ABCA13: variants seen among roughly 807,000 people sequenced by gnomAD.
The protein encoded by ABCA13 is ATP-binding cassette sub-family A member 13.
ABCA13 carries 476 observed loss-of-function variants against 478.7 expected under a neutral mutation model. The observed-to-expected ratio is 0.99, with a 90% CI of 0.92 to 1.07. ABCA13 has a LOEUF of 1.07. Among genes scored for constraint, ABCA13 ranks in the 50% least tolerant of loss-of-function variants. ABCA13 has a pLI of 0.00. For synonymous variants in ABCA13, 2,252 were observed against 2,158.9 expected, an observed-to-expected ratio of 1.04 and a Z score of -1.20; for missense variants, 6,060 against 5,910.6, an observed-to-expected ratio of 1.03 and a Z score of -0.83.
rs150520298 is a variant in ABCA13, at chr7:48,180,024, C to T, written c.69+8472C>T. Among the ~76,000 whole-genome samples, 1,464 of 152,242 alleles carry T rather than the reference C, an allele frequency of 9.6e-3. 13 individuals carry two copies. Among genetic ancestry groups the T allele is most frequent in the Non-Finnish European group, 0.014 (941 of 68,022 alleles). ...GAAGCAGCAGAGCTAGGCTGAGACT[C>T]GATTTTATCTGATGCCTGAGCCTAT... On this transcript the variant is annotated intron_variant, in intron 1 of 61. Coordinates refer to ENST00000435803, the MANE Select transcript of ABCA13 (RefSeq NM_152701.5).
rs1207846719 is a variant in ABCA13 at position 48,248,398 on chromosome 7, A to G, written c.1819A>G (p.Asn607Asp). 5.0e-6 allele frequency: 8 copies of G among 1,613,026 alleles called. No individual in the cohort carries two copies. Among genetic ancestry groups the G allele is most frequent in the Non-Finnish European group, 5.9e-6 (7 of 1,179,484 alleles). ...GCTGGGAGCTGATCCCTCTCCTGAG[A>G]ATGATGTCTTTTCTAGTGACTGTAA... The part of the protein sequence containing the change: ...LLLGADPSPE[N>D]DVFSSDCKHQ... Residue 607 changes from asparagine to aspartate, a missense_variant, in exon 14 of 62, where the codon AAT (asparagine) becomes GAT (aspartate). Asn to Asp is a conservative substitution (Grantham distance 23). Coordinates refer to ENST00000435803, the MANE Select transcript of ABCA13 (RefSeq NM_152701.5).
At chr7:48,578,747 A>G (rs1788423164) in intron 55 of ABCA13, among the ~76,000 whole-genome samples, 1 of 152,248 alleles carries the variant, frequency 6.6e-6, no homozygotes, top group Non-Finnish European at 1.5e-5. Context: ...TAGGCAACAC[A>G]GTATGGAAGA....
chr7:48,554,031 A>C (rs1233763621), intron 55 of ABCA13, among the ~76,000 whole-genome samples: 1 of 152,032 alleles, frequency 6.6e-6, no homozygotes, highest in African/African-American at 2.4e-5. Context: ...GTCTAGTTTC[A>C]TTCCTCTGCA....
chr7:48,420,023 T>A (rs1019255631), intron 41 of ABCA13, among the ~76,000 whole-genome samples: 7 of 152,204 alleles, frequency 4.6e-5, no homozygotes, highest in Non-Finnish European at 8.8e-5. Flanking sequence ...ATTTTGTCTC[T>A]TGACACTTGG....
intron 58 of ABCA13, among the ~76,000 whole-genome samples, chr7:48,602,633 A>G (rs1791027735): frequency 6.6e-6 from 1 of 152,018 alleles, no homozygotes; most frequent in Non-Finnish European, 1.5e-5. Context: ...ATAGCTTTGT[A>G]GTATAGTTTG....
chr7:48,350,828 T>A lies in ABCA13; in HGVS notation c.10381+9T>A. On this transcript the variant is annotated intron_variant, in intron 30 of 61. Coordinates refer to ENST00000435803, the MANE Select transcript of ABCA13 (RefSeq NM_152701.5). ...GAACAGCTTCTTGGCCAGTAAGTAC[T>A]CAATGAAAAAATATGTTCGCCAAGA... 1.2e-6 allele frequency: 2 copies of A among 1,608,868 alleles called. No individual in the cohort carries two copies. The highest frequency in any genetic ancestry group is 1.7e-6 in the Non-Finnish European group (2 of 1,176,970).
intron 1 of ABCA13, among the ~76,000 whole-genome samples, chr7:48,188,643 T>C (rs755507681): frequency 2.0e-5 from 3 of 152,118 alleles, no homozygotes; most frequent in Non-Finnish European, 2.9e-5. Context: ...TATTTTCTTT[T>C]CTCTCCCCCC....
chr7:48,297,201 C>G, intron 21 of ABCA13, 31 bp from the exon 22 acceptor site: 7 of 1,552,470 alleles, frequency 4.5e-6, no homozygotes, highest in Non-Finnish European at 6.1e-6. Flanking sequence ...TTTAGCTTGC[C>G]TAATTTAGCT....
intron 3 of ABCA13, among the ~76,000 whole-genome samples, chr7:48,219,081 T>A (rs1786935424): frequency 6.6e-6 from 1 of 152,214 alleles, no homozygotes; most frequent in Non-Finnish European, 1.5e-5. Flanking sequence ...GTTAAATAAA[T>A]TTAAAAAATG....
intron 54 of ABCA13, among the ~76,000 whole-genome samples, chr7:48,525,189 G>T (rs559201123): frequency 6.6e-6 from 1 of 152,190 alleles, no homozygotes; most frequent in African/African-American, 2.4e-5. Context: ...AGTAATGCAG[G>T]CATATTCTTA....
intron 59 of ABCA13, among the ~76,000 whole-genome samples, chr7:48,632,922 A>G (rs555756205): frequency 6.6e-6 from 1 of 152,310 alleles, no homozygotes; most frequent in South Asian, 2.1e-4. Context: ...CAAAAAAATT[A>G]CTGAAGGTGA....
chr7:48,352,593 T>TA lies in ABCA13; in HGVS notation c.10688+112dup, dbSNP rs921883344. ...CTATGGTTATTTCAAAAAGCACTGT[T>TA]AAAAAAGTTCACCCCCCACTTTTTA... On this transcript the variant is annotated intron_variant, in intron 31 of 61. Transcript: ENST00000435803. The TA allele has an allele frequency of 1.8e-5, 24 of 1,329,712 alleles. No individual in the cohort carries two copies. In the East Asian group the frequency reaches 5.6e-4, roughly 31 times the overall value. The allele number at this position is 1,329,712 out of a possible 1,614,324, so 82.4% of individuals were successfully genotyped here. A position where few individuals can be genotyped will look rare whatever the true frequency, so the allele number is the denominator to read the frequency against.
At chr7:48,613,245 G>A (rs1792206249) in intron 58 of ABCA13, among the ~76,000 whole-genome samples, 2 of 151,636 alleles carry the variant, frequency 1.3e-5, no homozygotes, top group South Asian at 4.2e-4. Flanking sequence ...CTGGAGTGCA[G>A]TGGCAAAATC....
At chr7:48,281,478 C>T (rs1412155882) in intron 19 of ABCA13, 26 bp downstream of exon 19, 1 of 1,558,196 alleles carries the variant, frequency 6.4e-7, no homozygotes, top group Non-Finnish European at 8.7e-7. Context: ...AACAAGTGCT[C>T]TGCAATTGCC....
intron 40 of ABCA13, among the ~76,000 whole-genome samples, chr7:48,411,053 C>CTTTTTT (rs1412036128): frequency 8.4e-5 from 7 of 83,642 alleles, no homozygotes; most frequent in Admixed American, 2.8e-4. Context: ...CTTTCTTTTT[C>CTTTTTT]TTTCTTTCTT....
At chr7:48,227,546 T>C in intron 6 of ABCA13, 121 bp downstream of exon 6, 3 of 1,219,968 alleles carry the variant, frequency 2.5e-6, no homozygotes, top group Non-Finnish European at 3.4e-6. Flanking sequence ...AATGTTACCT[T>C]GAAACAAGAG....
Position 48,317,079 on chromosome 7 carries a change from GA to G in ABCA13, c.9860-77del. ...CTGTCATTGAAAATGAGGCATCCTG[GA>G]TATGTGAATGAATTTCCCTATTAAC... On this transcript the variant is annotated intron_variant, in intron 26 of 61. Transcript: ENST00000435803. The G allele has an allele frequency of 6.0e-6, 9 of 1,499,936 alleles. No homozygotes were observed. The South Asian group carries it at 1.0e-4, about 17-fold the overall frequency. The allele number at this position is 1,499,936 out of a possible 1,614,324, so 92.9% of individuals were successfully genotyped here. A position where few individuals can be genotyped will look rare whatever the true frequency, so the allele number is the denominator to read the frequency against.
chr7:48,623,945 G>T (rs1793405748), intron 59 of ABCA13, among the ~76,000 whole-genome samples: 1 of 152,138 alleles, frequency 6.6e-6, no homozygotes, highest in Non-Finnish European at 1.5e-5. Context: ...AGGTCGTTAG[G>T]TTGAGCAGCT....
At chr7:48,471,390 A>G in intron 44 of ABCA13, 140 bp from the exon 45 acceptor site, 1 of 726,618 alleles carries the variant, frequency 1.4e-6, no homozygotes, top group Non-Finnish European at 2.3e-6. Flanking sequence ...GTGAAAACAA[A>G]TGTAAGAGCT....
Sources: gnomAD v4.1 joint callset for allele counts (sites outside exome capture counted in the v4.1 genomes callset) on GRCh38, gnomAD v4.1.1 for gene constraint, MANE v1.5 for transcripts, NCBI Gene and HGNC (gene_info 2026-07-23, HGNC 2026-07-21) for gene names.